Variants in NCALD observed in about 807,000 individuals in gnomAD.
NCALD encodes the protein neurocalcin delta, also known as neurocalcin-delta.
In NCALD, 10 loss-of-function variants were observed where a neutral mutation model predicts 18.6. The ratio of observed to expected loss-of-function variants is 0.54; its 90% CI spans 0.33 to 0.91. The LOEUF (loss-of-function observed/expected upper bound fraction) is 0.91, where lower values mean the gene tolerates loss of function less well. NCALD is among the 40% of genes least tolerant of loss of function. The probability of loss-of-function intolerance (pLI) is 0.03; values close to 1 mark genes in which losing one functional copy is unlikely to be tolerated. For missense variants in NCALD, 184 were observed against 247.6 expected (o/e 0.74, Z 1.72); for synonymous variants, 88 against 87.4 (o/e 1.01, Z -0.04).
chr8:101,880,109 G>T (rs573353087), intron 4 of NCALD, among the ~76,000 whole-genome samples: 2 of 152,220 alleles, frequency 1.3e-5, no homozygotes, highest in South Asian at 4.1e-4. Context: ...GGGAGGCTGG[G>T]GCATGGTGGG....
chr8:101,887,378 C>CCTA (rs146446971), intron 3 of NCALD, among the ~76,000 whole-genome samples: 128 of 152,236 alleles, frequency 8.4e-4, no homozygotes, highest in African/African-American at 3.0e-3. Context: ...CGTGTATCAG[C>CCTA]CTAATTGGTT....
intron 2 of NCALD, among the ~76,000 whole-genome samples, chr8:101,921,600 T>C (rs1440800125): frequency 1.3e-5 from 2 of 152,192 alleles, no homozygotes; most frequent in African/African-American, 2.4e-5. Flanking sequence ...AAAGAGTTAG[T>C]AAAGGTGTCC....
At chr8:101,831,725 T>A (rs1814196460) in intron 4 of NCALD, among the ~76,000 whole-genome samples, 1 of 151,920 alleles carries the variant, frequency 6.6e-6, no homozygotes, top group Admixed American at 6.6e-5. Context: ...CTACCCAGGG[T>A]CATCTCAGTG....
chr8:101,829,745 A>AAC (rs1262535191), intron 4 of NCALD, among the ~76,000 whole-genome samples: 1 of 152,218 alleles, frequency 6.6e-6, no homozygotes, highest in African/African-American at 2.4e-5. Flanking sequence ...CCTAAACTGA[A>AAC]ACATTGACAA....
chr8:101,751,797 C>T (rs1160561678), intron 1 of NCALD, among the ~76,000 whole-genome samples: 1 of 152,166 alleles, frequency 6.6e-6, no homozygotes, highest in East Asian at 1.9e-4. Flanking sequence ...GACAGCCTGC[C>T]CCAAAGGTGG....
chr8:102,043,676 G>A (rs1586970303), intron 1 of NCALD, among the ~76,000 whole-genome samples: 2 of 150,012 alleles, frequency 1.3e-5, no homozygotes, highest in Admixed American at 1.3e-4. Flanking sequence ...AAGAGAAGGA[G>A]GAGGAAGACG....
chr8:101,885,617 G>A lies in NCALD; in HGVS notation c.-20+1524C>T, dbSNP rs545601646. ...CTGCAAACCTGCAGCATGAACTCTC[G>A]CAGTCTCCCTTTGCTCCATGTGAAT... On this transcript the variant is annotated intron_variant, in intron 4 of 6. Coordinates refer to the NCALD transcript ENST00000311028. Among the ~76,000 whole-genome samples the A allele has an allele frequency of 1.1e-4, 16 of 152,236 alleles. No homozygotes were observed. The East Asian group carries it at 2.3e-3, about 22-fold the overall frequency.
intron 1 of NCALD, among the ~76,000 whole-genome samples, chr8:102,028,485 T>C (rs1822542941): frequency 1.3e-5 from 2 of 152,210 alleles, no homozygotes; most frequent in African/African-American, 4.8e-5. Flanking sequence ...GGGGAAACAA[T>C]GCCTGCAGCC....
In NCALD at chr8:101,841,189, C is replaced by T. The variant is rs529035078; in HGVS notation, c.-20+45952G>A. ...TCTTTCTAATTCACTGGGTCTCTGA[C>T]AGACAGTTGTAGACTGAGGGCTGGT... On this transcript the variant is annotated intron_variant, in intron 4 of 6. Coordinates refer to the NCALD transcript ENST00000311028. 9.4e-4 allele frequency among the ~76,000 whole-genome samples: 143 copies of T among 152,288 alleles called. 1 individual carries two copies. Among genetic ancestry groups the T allele is most frequent in the African/African-American group, 3.4e-3 (141 of 41,560 alleles).
intron 4 of NCALD, among the ~76,000 whole-genome samples, chr8:101,799,751 G>C (rs1173444755): frequency 6.6e-6 from 1 of 152,174 alleles, no homozygotes; most frequent in African/African-American, 2.4e-5. Context: ...TAGATGAGTA[G>C]TTGCAAGGGG....
chr8:101,956,253 A>T (rs1362392110), intron 2 of NCALD, among the ~76,000 whole-genome samples: 1 of 152,224 alleles, frequency 6.6e-6, no homozygotes, highest in African/African-American at 2.4e-5. Context: ...TTCTGCAGCC[A>T]AAACACAAGA....
At position 102,115,595 on chromosome 8, in the gene NCALD, C is replaced by T. The variant is rs534937625; in HGVS notation, c.-210+8642G>A. Among the ~76,000 whole-genome samples the T allele has an allele frequency of 2.6e-5, 4 of 152,290 alleles. No homozygotes were observed. The East Asian group carries it at 5.8e-4, about 22-fold the overall frequency. ...TACTCTTTACCTTGCCTTATGTGCC[C>T]GATGTACACAGGCCCTACTTTGGGG... On this transcript the variant is annotated intron_variant, in intron 1 of 6. Transcript: ENST00000311028.
At chr8:101,864,161 A>G (rs906914837) in intron 4 of NCALD, among the ~76,000 whole-genome samples, 1 of 152,256 alleles carries the variant, frequency 6.6e-6, no homozygotes, top group African/African-American at 2.4e-5. Context: ...AGACACTTAA[A>G]GCAAGTCTAC....
At chr8:101,914,505 G>T (rs1817910600) in intron 3 of NCALD, among the ~76,000 whole-genome samples, 1 of 152,090 alleles carries the variant, frequency 6.6e-6, no homozygotes, top group African/African-American at 2.4e-5. Flanking sequence ...GTCATTCTGT[G>T]CAGCCCCCAG....
At chr8:101,748,382 G>A (rs551757590) in intron 1 of NCALD, among the ~76,000 whole-genome samples, 2 of 152,158 alleles carry the variant, frequency 1.3e-5, no homozygotes, top group Admixed American at 6.5e-5. Context: ...TAGGTGCTGT[G>A]GTCTAGGGAC....
At chr8:101,871,000 G>C (rs1034169894) in intron 4 of NCALD, among the ~76,000 whole-genome samples, 1 of 146,622 alleles carries the variant, frequency 6.8e-6, no homozygotes, top group South Asian at 2.1e-4. Flanking sequence ...GTTCTCTCAA[G>C]TCTGGAAAGA....
At chr8:101,991,380 CATT>C (rs1301495021) in intron 2 of NCALD, among the ~76,000 whole-genome samples, 9 of 152,132 alleles carry the variant, frequency 5.9e-5, no homozygotes, top group Non-Finnish European at 5.9e-5. Context: ...GAAAAGGAGT[CATT>C]ATTGATCTGT....
intron 2 of NCALD, among the ~76,000 whole-genome samples, chr8:101,970,423 C>T (rs1820197473): frequency 6.6e-6 from 1 of 152,038 alleles, no homozygotes; most frequent in Non-Finnish European, 1.5e-5. Flanking sequence ...TACTGCCTGC[C>T]CCCTCCTGGA....
chr8:102,034,290 T>C (rs964447814), intron 1 of NCALD, among the ~76,000 whole-genome samples: 4 of 152,228 alleles, frequency 2.6e-5, no homozygotes, highest in African/African-American at 4.8e-5. Flanking sequence ...ATCATCAACA[T>C]ATAAATGTAA....
Sources: allele counts gnomAD v4.1 joint callset (sites outside exome capture counted in the v4.1 genomes callset), GRCh38; gene constraint gnomAD v4.1.1; transcripts MANE v1.5; gene names NCBI Gene and HGNC (gene_info 2026-07-23, HGNC 2026-07-21).